The following LRP1B variants were observed in gnomAD, a reference collection of about 807,000 sequenced individuals.
LRP1B encodes LDL receptor related protein 1B.
Under a neutral mutation model 556.6 loss-of-function variants are expected in LRP1B, and 217 were observed. The ratio of observed to expected loss-of-function variants is 0.39; its 90% CI spans 0.35 to 0.44. LRP1B has a LOEUF of 0.44. Among genes scored for constraint, LRP1B ranks in the 20% least tolerant of loss-of-function variants. LRP1B has a pLI of 1.00. For synonymous variants in LRP1B, 2,047 were observed against 1,865.8 expected (o/e 1.10, Z -2.50); for missense variants, 5,053 against 5,620.8 (o/e 0.90, Z 3.23).
intron 1 of LRP1B, among the ~76,000 whole-genome samples, chr2:142,127,980 C>T (rs1163251712): frequency 6.6e-6 from 1 of 151,934 alleles, no homozygotes; most frequent in Admixed American, 6.6e-5. Context: ...GATTTATCTT[C>T]CAATTTTGGC....
At chr2:140,741,378 A>T (rs1688132225) in intron 35 of LRP1B, among the ~76,000 whole-genome samples, 1 of 152,134 alleles carries the variant, frequency 6.6e-6, no homozygotes, top group Non-Finnish European at 1.5e-5. Context: ...AAACACTTAG[A>T]AGAGATTAAG....
At chr2:141,982,082 T>G (rs928459955) in intron 1 of LRP1B, among the ~76,000 whole-genome samples, 5 of 152,182 alleles carry the variant, frequency 3.3e-5, no homozygotes, top group Non-Finnish European at 7.4e-5. Flanking sequence ...TAAATATTGC[T>G]TTTTGTTTAA....
chr2:140,856,173 T>G (rs1340117985), intron 27 of LRP1B, among the ~76,000 whole-genome samples: 2 of 152,178 alleles, frequency 1.3e-5, no homozygotes, highest in Admixed American at 1.3e-4. Flanking sequence ...TAAAATGTAT[T>G]CGTCACTATT....
chr2:140,967,256 C>T (rs1696256363), intron 18 of LRP1B, among the ~76,000 whole-genome samples: 1 of 151,882 alleles, frequency 6.6e-6, no homozygotes, highest in Admixed American at 6.6e-5. Flanking sequence ...AGGGGTTCTT[C>T]ACATCCCTTG....
At chr2:140,331,725 C>T (rs183599364) in intron 79 of LRP1B, among the ~76,000 whole-genome samples, 20 of 149,368 alleles carry the variant, frequency 1.3e-4, no homozygotes, top group African/African-American at 1.7e-4. Context: ...AAGGGTGTTT[C>T]GCTCTTGTTG....
intron 81 of LRP1B, 48 bp downstream of exon 81, chr2:140,323,845 A>C: frequency 3.2e-6 from 3 of 943,148 alleles, no homozygotes; most frequent in East Asian, 2.5e-5. Context: ...GAGAGATACA[A>C]GAAAATAATT....
chr2:140,903,920 T>G (rs1694175975), intron 22 of LRP1B, among the ~76,000 whole-genome samples: 1 of 151,960 alleles, frequency 6.6e-6, no homozygotes, highest in Non-Finnish European at 1.5e-5. Flanking sequence ...TATGATTACA[T>G]ATATAATGTG....
chr2:140,752,635 T>G (rs1205525440), intron 35 of LRP1B, among the ~76,000 whole-genome samples: 2 of 152,228 alleles, frequency 1.3e-5, no homozygotes, highest in African/African-American at 4.8e-5. Context: ...AAATCTCACA[T>G]TTTATATACA....
chr2:140,996,432 C>T (rs1251953074), intron 15 of LRP1B, among the ~76,000 whole-genome samples: 1 of 151,946 alleles, frequency 6.6e-6, no homozygotes, highest in African/African-American at 2.4e-5. Flanking sequence ...ATGGTCTTTT[C>T]CCCGGCATTA....
At position 140,707,884 on chromosome 2, in the gene LRP1B, G is replaced by T. The variant is rs368552532; in HGVS notation, c.6024-5331C>A. ...TAGCAGAACCCTGTGCTAAAAGGAT[G>T]AAAATATAAAACCAGTCTACCCTTG... On this transcript the variant is annotated intron_variant, in intron 37 of 90. Coordinates refer to ENST00000389484, the MANE Select transcript of LRP1B (RefSeq NM_018557.3). Among the ~76,000 whole-genome samples, 8 of 152,210 alleles carry T rather than the reference G, an allele frequency of 5.3e-5. No homozygotes were observed. In the East Asian group the frequency reaches 1.5e-3, roughly 29 times the overall value.
intron 2 of LRP1B, among the ~76,000 whole-genome samples, chr2:141,688,408 T>C (rs1691391079): frequency 6.6e-6 from 1 of 151,914 alleles, no homozygotes; most frequent in Admixed American, 6.6e-5. Context: ...TATTTATTCA[T>C]ACTAATTATT....
At chr2:141,283,031 C>T (rs1225492516) in intron 3 of LRP1B, among the ~76,000 whole-genome samples, 1 of 152,058 alleles carries the variant, frequency 6.6e-6, no homozygotes, top group Non-Finnish European at 1.5e-5. Flanking sequence ...TTCATCTAGT[C>T]CAGATGCCTA....
At chr2:140,362,801 T>C (rs1273843079) in intron 72 of LRP1B, among the ~76,000 whole-genome samples, 1 of 151,758 alleles carries the variant, frequency 6.6e-6, no homozygotes, top group Non-Finnish European at 1.5e-5. Context: ...TACAAATTAC[T>C]ATACTTTATA....
chr2:141,763,556 T>C (rs755829321), intron 2 of LRP1B, among the ~76,000 whole-genome samples: 1 of 152,074 alleles, frequency 6.6e-6, no homozygotes, highest in Non-Finnish European at 1.5e-5. Flanking sequence ...TGACGGTCAG[T>C]GATGGTAAGT....
At position 141,614,080 on chromosome 2, in the gene LRP1B, C is replaced by CAGAAAAAAAAAAAAAAAAAAAAAA. The variant is rs1553543025; in HGVS notation, c.206-133548_206-133547insTTTTTTTTTTTTTTTTTTTTTTCT. On this transcript the variant is annotated intron_variant, in intron 2 of 90. Coordinates refer to ENST00000389484, the MANE Select transcript of LRP1B (RefSeq NM_018557.3). The stretch of plus-strand genomic sequence containing the variant: ...GGGCGATAAGAGCAAAACTCAGCCT[C>CAGAAAAAAAAAAAAAAAAAAAAAA]AAAAAAAAAAAAAAAAAAAAAGAAA... Among the ~76,000 whole-genome samples, 10 of 47,352 alleles carry CAGAAAAAAAAAAAAAAAAAAAAAA rather than the reference C, an allele frequency of 2.1e-4. 1 individual carries two copies. Among genetic ancestry groups the CAGAAAAAAAAAAAAAAAAAAAAAA allele is most frequent in the East Asian group, 1.9e-3 (3 of 1,582 alleles). 31.1% of individuals were successfully genotyped at this position (47,352 alleles called of 152,430 possible).
At chr2:141,692,267 G>A (rs1691563651) in intron 2 of LRP1B, among the ~76,000 whole-genome samples, 1 of 151,956 alleles carries the variant, frequency 6.6e-6, no homozygotes, top group African/African-American at 2.4e-5. Flanking sequence ...GTATCTATAT[G>A]AAGAACTGCA....
chr2:141,006,220 G>T (rs992998502), intron 14 of LRP1B, among the ~76,000 whole-genome samples: 1 of 152,026 alleles, frequency 6.6e-6, no homozygotes, highest in Non-Finnish European at 1.5e-5. Flanking sequence ...TAAACGTAAT[G>T]TATAGTAATC....
intron 32 of LRP1B, among the ~76,000 whole-genome samples, chr2:140,777,851 A>G (rs928560852): frequency 3.3e-5 from 5 of 152,090 alleles, no homozygotes; most frequent in African/African-American, 1.2e-4. Context: ...ATGATCAGAA[A>G]ATATGGTAGA....
intron 32 of LRP1B, among the ~76,000 whole-genome samples, chr2:140,797,433 T>C (rs1372244753): frequency 6.6e-6 from 1 of 152,098 alleles, no homozygotes; most frequent in Non-Finnish European, 1.5e-5. Flanking sequence ...GACTAGTTTA[T>C]AGTTTATTAT....
Sources: gnomAD v4.1 joint callset for allele counts (sites outside exome capture counted in the v4.1 genomes callset) on GRCh38, gnomAD v4.1.1 for gene constraint, MANE v1.5 for transcripts, NCBI Gene and HGNC (gene_info 2026-07-23, HGNC 2026-07-21) for gene names.